Variants in WTIP observed in about 807,000 individuals in gnomAD.
The protein encoded by WTIP is Wilms tumor protein 1-interacting protein.
A neutral mutation model predicts 41.7 loss-of-function variants in WTIP; 23 were observed. The ratio of observed to expected loss-of-function variants is 0.55; its 90% CI spans 0.40 to 0.78. The LOEUF (loss-of-function observed/expected upper bound fraction) is 0.78, where lower values mean the gene tolerates loss of function less well. Among genes scored for constraint, WTIP ranks in the 30% least tolerant of loss-of-function variants. WTIP has a pLI of 0.00. For synonymous variants in WTIP, 314 were observed against 269.9 expected (o/e 1.16, Z -1.60); for missense variants, 619 against 610.5 (o/e 1.01, Z -0.15).
chr19:34,483,325 G>C (rs2075780729), intron 1 of WTIP, among the ~76,000 whole-genome samples: 4 of 151,712 alleles, frequency 2.6e-5, no homozygotes, highest in African/African-American at 9.7e-5. Context: ...CGCCCGGCCT[G>C]ATCTTTTCTT....
Position 34,504,106 on chromosome 19 carries a change from C to G in WTIP, c.*3837C>G, listed in dbSNP as rs1219971703. The G allele has an allele frequency of 6.6e-6, 1 of 151,726 alleles. No individual in the cohort carries two copies. Among genetic ancestry groups the G allele is most frequent in the Admixed American group, 6.6e-5 (1 of 15,224 alleles). The allele number at this position is 151,726 out of a possible 1,614,324, so 9.4% of individuals were successfully genotyped here. ...CGTGTGTGAAAGGGATTGAATATTT[C>G]AGAAAATGAATGAGAGAGATTGGGA... is the stretch of plus-strand genomic sequence containing the variant. On this transcript the variant is annotated 3_prime_UTR_variant, in exon 8 of 8. Coordinates refer to ENST00000590071, the MANE Select transcript of WTIP (RefSeq NM_001080436.2).
chr19:34,497,620 A>G (rs1344049462), intron 7 of WTIP, among the ~76,000 whole-genome samples: 1 of 152,172 alleles, frequency 6.6e-6, no homozygotes, highest in Non-Finnish European at 1.5e-5. Context: ...CCTGGGCAGG[A>G]GAACCAGGAG....
intron 1 of WTIP, among the ~76,000 whole-genome samples, chr19:34,482,915 T>G (rs1207153244): frequency 2.0e-5 from 3 of 151,886 alleles, no homozygotes; most frequent in Admixed American, 1.3e-4. Flanking sequence ...GATGTGCGGT[T>G]CCTAACTTAA....
At position 34,490,148 on chromosome 19, in the gene WTIP, C is replaced by T. The variant is rs187997416; in HGVS notation, c.668-228C>T. On this transcript the variant is annotated intron_variant, in intron 1 of 7. Coordinates refer to ENST00000590071, the MANE Select transcript of WTIP (RefSeq NM_001080436.2). ...AGCTTTGATTAGCTCCGACTCTGCC[C>T]TGGGTGCTCGGCCAAGCCCTTGAAT... 2.0e-5 allele frequency among the ~76,000 whole-genome samples: 3 copies of T among 152,332 alleles called. No individual in the cohort carries two copies. The East Asian group carries it at 5.8e-4, about 29-fold the overall frequency.
In WTIP at chr19:34,502,976, C is replaced by T. The variant is rs191764907; in HGVS notation, c.*2707C>T. The stretch of plus-strand genomic sequence containing the variant: ...TTGTTGCCAACCCGGTCCTTCTCCT[C>T]CCCTTCCTTTGCATGTGCCATGGTG... On this transcript the variant is annotated 3_prime_UTR_variant, in exon 8 of 8. Coordinates refer to ENST00000590071, the MANE Select transcript of WTIP (RefSeq NM_001080436.2). The T allele has an allele frequency of 6.5e-6, 1 of 152,716 alleles. No individual in the cohort carries two copies. Among genetic ancestry groups the T allele is most frequent in the Admixed American group, 6.5e-5 (1 of 15,318 alleles). The allele number at this position is 152,716 out of a possible 1,614,324, so 9.5% of individuals were successfully genotyped here. A position where few individuals can be genotyped will look rare whatever the true frequency, so the allele number is the denominator to read the frequency against.
Position 34,511,795 on chromosome 19 carries a change from C to G in WTIP, c.*11526C>G, listed in dbSNP as rs1376139665. The G allele has an allele frequency of 6.6e-6, 1 of 152,146 alleles. No individual in the cohort carries two copies. The highest frequency in any genetic ancestry group is 1.5e-5 in the Non-Finnish European group (1 of 68,028). 9.4% of individuals were successfully genotyped at this position (152,146 alleles called of 1,614,324 possible). On this transcript the variant is annotated 3_prime_UTR_variant, in exon 8 of 8. Transcript: ENST00000590071. The stretch of plus-strand genomic sequence containing the variant: ...TTGCATGCATTGGCCATGGGCTTCC[C>G]TTTTGTGAGTTGCCTGTGAATGTCC...
chr19:34,503,329 T>TC lies in WTIP; in HGVS notation c.*3061dup, dbSNP rs140894170. On this transcript the variant is annotated 3_prime_UTR_variant, in exon 8 of 8. Transcript: ENST00000590071. ...GAGCCACTCTCCCGGGGTTTCTTCC[T>TC]CTATGAAGAAACCTTGGCCTCTATG... 35,401 of 152,222 alleles carry TC rather than the reference T, an allele frequency of 0.23. 4,334 individuals carry two copies. Among genetic ancestry groups the TC allele is most frequent in the East Asian group, 0.39 (2,022 of 5,154 alleles). The allele number at this position is 152,222 out of a possible 1,614,324, so 9.4% of individuals were successfully genotyped here. A position where few individuals can be genotyped will look rare whatever the true frequency, so the allele number is the denominator to read the frequency against.
At chr19:34,498,915 C>T (rs999458312) in intron 7 of WTIP, among the ~76,000 whole-genome samples, 2 of 148,276 alleles carry the variant, frequency 1.3e-5, no homozygotes, top group East Asian at 2.1e-4. Flanking sequence ...ACAAAAAACC[C>T]CATCACGTTT....
chr19:34,499,517 C>G (rs2075872961), intron 7 of WTIP, among the ~76,000 whole-genome samples: 1 of 152,028 alleles, frequency 6.6e-6, no homozygotes, highest in African/African-American at 2.4e-5. Context: ...CAAACAACAA[C>G]AAACGAATAA....
intron 1 of WTIP, 74 bp from the exon 2 acceptor site, chr19:34,490,302 C>T: frequency 3.5e-6 from 5 of 1,442,840 alleles, no homozygotes; most frequent in Non-Finnish European, 3.9e-6. Context: ...TGGGCGGTGT[C>T]AAGACGGGGA....
chr19:34,500,280 A>G lies in WTIP; in HGVS notation c.*11A>G. On this transcript the variant is annotated 3_prime_UTR_variant, in exon 8 of 8. Transcript: ENST00000590071. ...GTCACTGAGCTCTGAGCAGGGGAAA[A>G]CCCGTCCCTGGGCCGGGGTGGGTGT... 6.3e-7 allele frequency: 1 copy of G among 1,596,342 alleles called. No homozygotes were observed. The highest frequency in any genetic ancestry group is 8.5e-7 in the Non-Finnish European group (1 of 1,173,510).
intron 1 of WTIP, among the ~76,000 whole-genome samples, chr19:34,489,030 T>G (rs1250473613): frequency 6.6e-6 from 1 of 151,134 alleles, no homozygotes; most frequent in African/African-American, 2.4e-5. Context: ...AAACCCTATC[T>G]CTACTAAAAA....
In WTIP at chr19:34,506,455, G is replaced by A. The variant is rs867488710; in HGVS notation, c.*6186G>A. 1.3e-5 allele frequency: 2 copies of A among 152,146 alleles called. No homozygotes were observed. The highest frequency in any genetic ancestry group is 4.8e-5 in the African/African-American group (2 of 41,422). 9.4% of individuals were successfully genotyped at this position (152,146 alleles called of 1,614,324 possible). A position where few individuals can be genotyped will look rare whatever the true frequency, so the allele number is the denominator to read the frequency against. On this transcript the variant is annotated 3_prime_UTR_variant, in exon 8 of 8. Transcript: ENST00000590071. ...TGTCTCGTGTTTTAGAGCTTGTAGG[G>A]TTTAATAAAACTAGTTAACAGCCAG...
chr19:34,510,528 C>T lies in WTIP; in HGVS notation c.*10259C>T, dbSNP rs2075929236. 1 of 152,142 alleles carries T rather than the reference C, an allele frequency of 6.6e-6. No individual in the cohort carries two copies. Among genetic ancestry groups the T allele is most frequent in the South Asian group, 2.1e-4 (1 of 4,826 alleles). The allele number at this position is 152,142 out of a possible 1,614,324, so 9.4% of individuals were successfully genotyped here. A position where few individuals can be genotyped will look rare whatever the true frequency, so the allele number is the denominator to read the frequency against. On this transcript the variant is annotated 3_prime_UTR_variant, in exon 8 of 8. Coordinates refer to ENST00000590071, the MANE Select transcript of WTIP (RefSeq NM_001080436.2). ...TGTGATGGGAAGACCAATGACATGCCCTGGAGACATTTTCCCCATTGTCTT... is the reference window on the plus strand; with the variant it reads ...TGTGATGGGAAGACCAATGACATGCTCTGGAGACATTTTCCCCATTGTCTT...
chr19:34,496,021 G>A (rs1403523031), intron 7 of WTIP, among the ~76,000 whole-genome samples: 1 of 152,142 alleles, frequency 6.6e-6, no homozygotes, highest in South Asian at 2.1e-4. Context: ...GCCAGGCGTG[G>A]TGGCGGGCAC....
chr19:34,482,607 G>A lies in WTIP; in HGVS notation c.633G>A (p.Arg211=). 2 of 1,229,796 alleles carry A rather than the reference G, an allele frequency of 1.6e-6. No homozygotes were observed. The highest frequency in any genetic ancestry group is 2.0e-6 in the Non-Finnish European group (2 of 986,882). 76.2% of individuals were successfully genotyped at this position (1,229,796 alleles called of 1,614,324 possible). The change falls in exon 1 of 8, where the codon CGG becomes CGA. Residue 211 remains arginine, a synonymous_variant. Coordinates refer to ENST00000590071, the MANE Select transcript of WTIP (RefSeq NM_001080436.2). ...RLEALTRELE[R]ALEARTARDY... is the part of the protein sequence containing the mutation. The stretch of plus-strand genomic sequence containing the variant: ...AGGCGCTCACCCGGGAGCTGGAGCG[G>A]GCGCTCGAGGCGCGCACGGCGCGGG...
Position 34,502,718 on chromosome 19 carries a change from C to T in WTIP, c.*2449C>T, listed in dbSNP as rs1281487662. 1 of 152,226 alleles carries T rather than the reference C, an allele frequency of 6.6e-6. No individual in the cohort carries two copies. The highest frequency in any genetic ancestry group is 1.5e-5 in the Non-Finnish European group (1 of 68,120). The allele number at this position is 152,226 out of a possible 1,614,324, so 9.4% of individuals were successfully genotyped here. On this transcript the variant is annotated 3_prime_UTR_variant, in exon 8 of 8. Transcript: ENST00000590071. ...TACAGGCGTGAGCCACTGTGCCTGG[C>T]CTTACTTTTTGTATTTTTAGTTGAG...
intron 6 of WTIP, 43 bp downstream of exon 6, chr19:34,494,680 C>T: frequency 6.2e-7 from 1 of 1,601,394 alleles, no homozygotes; most frequent in Non-Finnish European, 8.5e-7. Context: ...CCTGGCCCAG[C>T]CGGCTGCTGT....
Position 34,509,583 on chromosome 19 carries a change from C to G in WTIP, c.*9314C>G, listed in dbSNP as rs1407397784. On this transcript the variant is annotated 3_prime_UTR_variant, in exon 8 of 8. Coordinates refer to ENST00000590071, the MANE Select transcript of WTIP (RefSeq NM_001080436.2). The stretch of plus-strand genomic sequence containing the variant: ...CATTCTGCCCCTGGCCCCTTCAAAT[C>G]TCATGTCCTCACATTTCAAAACCAA... 1 of 152,168 alleles carries G rather than the reference C, an allele frequency of 6.6e-6. No homozygotes were observed. Among genetic ancestry groups the G allele is most frequent in the Non-Finnish European group, 1.5e-5 (1 of 68,034 alleles). 9.4% of individuals were successfully genotyped at this position (152,168 alleles called of 1,614,324 possible).
Sources: gnomAD v4.1 joint callset for allele counts (sites outside exome capture counted in the v4.1 genomes callset) on GRCh38, gnomAD v4.1.1 for gene constraint, MANE v1.5 for transcripts, NCBI Gene and HGNC (gene_info 2026-07-23, HGNC 2026-07-21) for gene names.